The following AMPH variants were observed in gnomAD, a reference collection of about 807,000 sequenced individuals.
The protein encoded by AMPH is amphiphysin (Stiff-Mann syndrome with breast cancer 128kD autoantigen).
Under a neutral mutation model 99.1 loss-of-function variants are expected in AMPH, and 49 were observed. That is an observed-to-expected ratio of 0.49 (90% CI 0.39 to 0.63). The LOEUF (loss-of-function observed/expected upper bound fraction) is 0.63, where lower values mean the gene tolerates loss of function less well. Ranked by LOEUF, AMPH falls within the 20% of genes least tolerant of loss-of-function variation. The probability of loss-of-function intolerance (pLI) is 0.00; values close to 1 mark genes in which losing one functional copy is unlikely to be tolerated. For missense variants in AMPH, 759 were observed against 863.4 expected, an observed-to-expected ratio of 0.88 and a Z score of 1.52; for synonymous variants, 314 against 317.3, an observed-to-expected ratio of 0.99 and a Z score of 0.11.
chr7:38,540,906 T>C (rs1790785102), intron 1 of AMPH, among the ~76,000 whole-genome samples: 4 of 150,862 alleles, frequency 2.7e-5, no homozygotes, highest in African/African-American at 9.7e-5. Context: ...TTTTCAACTC[T>C]GGGTGACTCA....
At chr7:38,584,735 T>A (rs986585673) in intron 1 of AMPH, among the ~76,000 whole-genome samples, 1 of 152,142 alleles carries the variant, frequency 6.6e-6, no homozygotes, top group African/African-American at 2.4e-5. Flanking sequence ...TCCTGGAAAT[T>A]TTCCCTCTGC....
rs147167967 is a variant in AMPH at position 38,553,245 on chromosome 7, C to T, written c.70-18234G>A. Among the ~76,000 whole-genome samples the T allele has an allele frequency of 6.6e-5, 10 of 152,320 alleles. No individual in the cohort carries two copies. The East Asian group carries it at 1.9e-3, about 29-fold the overall frequency. ...TTACTGGTCTTTGGGGGCCTCAACT[C>T]CACTGTGGATTCCCTTAACACTTCC... On this transcript the variant is annotated intron_variant, in intron 1 of 20. Transcript: ENST00000356264.
chr7:38,493,250 A>T (rs1393004890), intron 4 of AMPH, among the ~76,000 whole-genome samples: 1 of 152,188 alleles, frequency 6.6e-6, no homozygotes, highest in Non-Finnish European at 1.5e-5. Flanking sequence ...CATCAAATTT[A>T]GGTCGTCTGT....
At chr7:38,386,158 A>G (rs1211024037) in intron 20 of AMPH, among the ~76,000 whole-genome samples, 1 of 152,248 alleles carries the variant, frequency 6.6e-6, no homozygotes, top group Non-Finnish European at 1.5e-5. Context: ...AAACGACTCA[A>G]TAAAATAACT....
intron 17 of AMPH, among the ~76,000 whole-genome samples, chr7:38,407,048 C>CTCTCTCTA (rs1241166935): frequency 2.2e-4 from 7 of 31,254 alleles, no homozygotes; most frequent in Non-Finnish European, 3.1e-4. Context: ...CTCTCTCTCT[C>CTCTCTCTA]TATATATATA....
At chr7:38,427,098 T>A in intron 14 of AMPH, 112 bp from the exon 15 acceptor site, 1 of 961,098 alleles carries the variant, frequency 1.0e-6, no homozygotes. Context: ...AGTTTTAAAA[T>A]AATACAAAAG....
intron 1 of AMPH, among the ~76,000 whole-genome samples, chr7:38,584,603 C>G (rs768782132): frequency 1.3e-5 from 2 of 152,186 alleles, no homozygotes; most frequent in Non-Finnish European, 2.9e-5. Flanking sequence ...ACTGGTAGGT[C>G]ACTCTTGGCA....
rs78855895 is a variant in AMPH at position 38,534,394 on chromosome 7, C to T, written c.150+537G>A. ...CATCTGTATTACAGTGGTCGGAGAC[C>T]GGGCCTGGTAGCTCACACCTGTAAT... is the stretch of plus-strand genomic sequence containing the variant. On this transcript the variant is annotated intron_variant, in intron 2 of 20. Transcript: ENST00000356264. Among the ~76,000 whole-genome samples the T allele has an allele frequency of 2.4e-3, 372 of 152,286 alleles. 1 individual carries two copies. The Middle Eastern group carries it at 0.027, about 11-fold the overall frequency.
intron 1 of AMPH, among the ~76,000 whole-genome samples, chr7:38,597,599 A>G (rs935487245): frequency 2.6e-5 from 4 of 152,120 alleles, no homozygotes; most frequent in Admixed American, 6.6e-5. Flanking sequence ...TTTTTCCACA[A>G]TGAAAATAGA....
rs753460997 is a variant in AMPH at position 38,428,995 on chromosome 7, C to T, written c.1182+847G>A. The stretch of plus-strand genomic sequence containing the variant: ...ACTCTGTTTCCTGTCCTTTCACATG[C>T]TTTCTCTTCAAATTCCTCTGTACCT... On this transcript the variant is annotated intron_variant, in intron 14 of 20. Coordinates refer to ENST00000356264, the MANE Select transcript of AMPH (RefSeq NM_001635.4). The T allele has an allele frequency of 1.1e-4, 147 of 1,289,166 alleles. 1 individual carries two copies. In the African/African-American group the frequency reaches 1.9e-3, roughly 16 times the overall value. 79.9% of individuals were successfully genotyped at this position (1,289,166 alleles called of 1,614,324 possible).
chr7:38,508,759 A>C (rs991600686), intron 2 of AMPH, among the ~76,000 whole-genome samples: 3 of 152,222 alleles, frequency 2.0e-5, no homozygotes, highest in Admixed American at 2.0e-4. Context: ...AACATATCAA[A>C]ATTAAAACTG....
chr7:38,590,936 TTA>T (rs774964054), intron 1 of AMPH, among the ~76,000 whole-genome samples: 3 of 152,212 alleles, frequency 2.0e-5, no homozygotes, highest in Non-Finnish European at 4.4e-5. Context: ...AGATATAATT[TTA>T]TATTATAAGC....
chr7:38,388,012 G>A (rs1321004762), intron 20 of AMPH, among the ~76,000 whole-genome samples: 1 of 151,996 alleles, frequency 6.6e-6, no homozygotes, highest in Non-Finnish European at 1.5e-5. Context: ...CTTAGTGAAA[G>A]TATTGTTAAA....
At chr7:38,442,469 A>T (rs1234917694) in intron 11 of AMPH, among the ~76,000 whole-genome samples, 1 of 152,192 alleles carries the variant, frequency 6.6e-6, no homozygotes, top group Non-Finnish European at 1.5e-5. Context: ...CATTCAAGCC[A>T]CATAAAGTAT....
At chr7:38,496,796 C>T (rs1788949640) in intron 3 of AMPH, among the ~76,000 whole-genome samples, 1 of 152,130 alleles carries the variant, frequency 6.6e-6, no homozygotes, top group Non-Finnish European at 1.5e-5. Context: ...AAACTTCTGG[C>T]ATTTTCTTTA....
At chr7:38,390,664 T>C (rs899755176) in intron 19 of AMPH, among the ~76,000 whole-genome samples, 1 of 152,182 alleles carries the variant, frequency 6.6e-6, no homozygotes, top group African/African-American at 2.4e-5. Flanking sequence ...TATCCCTAAA[T>C]TAATTTTTCT....
At chr7:38,542,387 A>C (rs1028554105) in intron 1 of AMPH, among the ~76,000 whole-genome samples, 1 of 152,182 alleles carries the variant, frequency 6.6e-6, no homozygotes, top group Non-Finnish European at 1.5e-5. Flanking sequence ...TAATGCAATG[A>C]ATCTCCAACC....
intron 1 of AMPH, among the ~76,000 whole-genome samples, chr7:38,590,123 C>T (rs1792801511): frequency 6.6e-6 from 1 of 151,964 alleles, no homozygotes; most frequent in Non-Finnish European, 1.5e-5. Flanking sequence ...TTCTTGGCCT[C>T]ACAGATTCCA....
rs542284623 is a variant in AMPH, at chr7:38,459,669, C to A, written c.1017+1614G>T. Among the ~76,000 whole-genome samples, 5 of 152,148 alleles carry A rather than the reference C, an allele frequency of 3.3e-5. 1 individual carries two copies. Among genetic ancestry groups the A allele is most frequent in the Admixed American group, 3.3e-4 (5 of 15,278 alleles). ...CAGAAAAATAAAACTGGATCCCTGT[C>A]TCTCCTGATATATAAAAATCAACTT... On this transcript the variant is annotated intron_variant, in intron 11 of 20. Transcript: ENST00000356264.
Sources: allele counts gnomAD v4.1 joint callset (sites outside exome capture counted in the v4.1 genomes callset), GRCh38; gene constraint gnomAD v4.1.1; transcripts MANE v1.5; gene names NCBI Gene and HGNC (gene_info 2026-07-23, HGNC 2026-07-21).